DNAH12: variants seen among roughly 807,000 people sequenced by gnomAD.
DNAH12 encodes dynein axonemal heavy chain 12.
In DNAH12, 285 loss-of-function variants were observed where a neutral mutation model predicts 371.5. The observed-to-expected ratio is 0.77, with a 90% confidence interval of 0.70 to 0.85. The LOEUF (loss-of-function observed/expected upper bound fraction) is 0.85. DNAH12 is among the 40% of genes least tolerant of loss of function. The pLI is 0.00. For synonymous variants in DNAH12, 1,200 were observed against 1,213.0 expected, an observed-to-expected ratio of 0.99 and a Z score of 0.22; for missense variants, 3,611 against 3,689.4, an observed-to-expected ratio of 0.98 and a Z score of 0.55.
At chr3:57,337,374 T>C (rs889113129) in intron 60 of DNAH12, among the ~76,000 whole-genome samples, 2 of 149,942 alleles carry the variant, frequency 1.3e-5, no homozygotes, top group Admixed American at 6.6e-5. Flanking sequence ...AGAGAGAACT[T>C]TTCAGCTGGG....
chr3:57,402,935 TA>T (rs2063914916), intron 43 of DNAH12, among the ~76,000 whole-genome samples: 1 of 152,232 alleles, frequency 6.6e-6, no homozygotes, highest in East Asian at 1.9e-4. Flanking sequence ...ACCTCATAAA[TA>T]TGTACAAATA....
chr3:57,494,653 A>G (rs2153387058), intron 11 of DNAH12, among the ~76,000 whole-genome samples: 1 of 152,268 alleles, frequency 6.6e-6, no homozygotes, highest in South Asian at 2.1e-4. Flanking sequence ...AAATAAGTAA[A>G]ACGAACTCAG....
At chr3:57,454,691 A>G in intron 23 of DNAH12, 84 bp downstream of exon 23, 2 of 1,502,444 alleles carry the variant, frequency 1.3e-6, no homozygotes, top group Non-Finnish European at 1.8e-6. Context: ...GTAGCATAGC[A>G]AGATCTCATT....
At chr3:57,469,940 A>G (rs775649744) in intron 16 of DNAH12, among the ~76,000 whole-genome samples, 5 of 152,140 alleles carry the variant, frequency 3.3e-5, no homozygotes, top group African/African-American at 9.7e-5. Context: ...GTCATGCAAT[A>G]TACCCACGAA....
intron 65 of DNAH12, among the ~76,000 whole-genome samples, chr3:57,314,874 A>G (rs2061653925): frequency 6.6e-6 from 1 of 152,210 alleles, no homozygotes; most frequent in African/African-American, 2.4e-5. Flanking sequence ...AAAATGCAAA[A>G]ACGTTATCAT....
intron 60 of DNAH12, among the ~76,000 whole-genome samples, chr3:57,336,243 T>C (rs2062219056): frequency 6.6e-6 from 1 of 152,170 alleles, no homozygotes; most frequent in South Asian, 2.1e-4. Context: ...GTCCAGCATT[T>C]ACCAATATAA....
At chr3:57,337,805 T>C (rs1332952014) in intron 60 of DNAH12, among the ~76,000 whole-genome samples, 2 of 152,146 alleles carry the variant, frequency 1.3e-5, no homozygotes, top group Non-Finnish European at 2.9e-5. Context: ...ACTCTTAGCA[T>C]TGGACAGATC....
At chr3:57,314,409 T>G in intron 66 of DNAH12, 85 bp downstream of exon 66, 1 of 1,496,096 alleles carries the variant, frequency 6.7e-7, no homozygotes, top group Non-Finnish European at 9.0e-7. Flanking sequence ...TTGGGAGAAG[T>G]GAATCAGCTA....
intron 29 of DNAH12, among the ~76,000 whole-genome samples, chr3:57,441,875 G>T (rs751972783): frequency 6.6e-6 from 1 of 151,820 alleles, no homozygotes; most frequent in Non-Finnish European, 1.5e-5. Flanking sequence ...AGGCAATAAA[G>T]TACAAAACAA....
Position 57,468,988 on chromosome 3 carries a change from A to G in DNAH12, c.2106-9T>C, listed in dbSNP as rs1575644356. The G allele has an allele frequency of 1.3e-6, 2 of 1,514,274 alleles. No individual in the cohort carries two copies. Among genetic ancestry groups the G allele is most frequent in the Non-Finnish European group, 1.8e-6 (2 of 1,136,842 alleles). 93.8% of individuals were successfully genotyped at this position (1,514,274 alleles called of 1,614,324 possible). On this transcript the variant is annotated splice_polypyrimidine_tract_variant and intron_variant, in intron 16 of 73. Coordinates refer to ENST00000495027, the MANE Select transcript of DNAH12 (RefSeq NM_001366028.2). ...ACCCTCCATCCATCCACCTGAATGG[A>G]AAGAAAAAATATTATTAAACTCAGA... is the stretch of plus-strand genomic sequence containing the variant.
At position 57,352,275 on chromosome 3, in the gene DNAH12, A is replaced by G. The variant is rs995341071; in HGVS notation, c.9534-50T>C. ...TATTGTCAAACAAAACTAAGAAAAT[A>G]TAAGCAATGTGAATTAACATATACA... On this transcript the variant is annotated intron_variant, in intron 59 of 73. Transcript: ENST00000495027. 9 of 1,488,580 alleles carry G rather than the reference A, an allele frequency of 6.0e-6. No individual in the cohort carries two copies. The Admixed American group carries it at 2.3e-4, about 39-fold the overall frequency. 92.2% of individuals were successfully genotyped at this position (1,488,580 alleles called of 1,614,324 possible).
At chr3:57,473,787 T>C (rs920566144) in intron 13 of DNAH12, among the ~76,000 whole-genome samples, 2 of 151,558 alleles carry the variant, frequency 1.3e-5, no homozygotes, top group African/African-American at 4.8e-5. Context: ...ATTATGTATA[T>C]ACAATGCACA....
At position 57,457,895 on chromosome 3, in the gene DNAH12, T is replaced by C. The variant is rs2153376051; in HGVS notation, c.3162A>G (p.Leu1054=). ...TAATGTCCAAATTGGGAAGGAACTC[T>C]AATTTAGCAATGCCCTCAAAGCATT... is the stretch of plus-strand genomic sequence containing the variant. The part of the protein sequence containing the change: ...LKKCFEGIAK[L]EFLPNLDIKA... Residue 1054 remains leucine, a synonymous_variant, in exon 22 of 74, where the codon TTA becomes TTG. Coordinates refer to ENST00000495027, the MANE Select transcript of DNAH12 (RefSeq NM_001366028.2). The C allele has an allele frequency of 6.4e-7, 1 of 1,551,720 alleles. No individual in the cohort carries two copies. The highest frequency in any genetic ancestry group is 8.7e-7 in the Non-Finnish European group (1 of 1,146,990).
intron 67 of DNAH12, 53 bp from the exon 68 acceptor site, chr3:57,309,907 G>T: frequency 6.8e-7 from 1 of 1,478,954 alleles, no homozygotes; most frequent in Non-Finnish European, 9.1e-7. Flanking sequence ...TACTGAAAGG[G>T]ATGATCAGGA....
At chr3:57,537,809 C>G (rs183526383) in intron 2 of DNAH12, among the ~76,000 whole-genome samples, 62 of 151,916 alleles carry the variant, frequency 4.1e-4, no homozygotes, top group Middle Eastern at 3.4e-3. Context: ...CTCAGCCTCC[C>G]GAGTAGCTAG....
At position 57,371,669 on chromosome 3, in the gene DNAH12, GCACACA is replaced by G. The variant is rs878975719; in HGVS notation, c.8760-3415_8760-3410del. 4.5e-4 allele frequency among the ~76,000 whole-genome samples: 67 copies of G among 147,254 alleles called. 1 individual carries two copies. The highest frequency in any genetic ancestry group is 1.5e-3 in the African/African-American group (61 of 39,908). ...AACTGAGACCCCCATCTCAAAACAC[GCACACA>G]CACACACACACACACAAACACACGT... On this transcript the variant is annotated intron_variant, in intron 55 of 73. Coordinates refer to ENST00000495027, the MANE Select transcript of DNAH12 (RefSeq NM_001366028.2).
At chr3:57,364,845 C>T (rs1177419034) in intron 57 of DNAH12, among the ~76,000 whole-genome samples, 1 of 152,102 alleles carries the variant, frequency 6.6e-6, no homozygotes, top group Non-Finnish European at 1.5e-5. Context: ...ATTTATGTGG[C>T]CAACAAACAT....
chr3:57,513,261 A>G (rs568857840), intron 4 of DNAH12, among the ~76,000 whole-genome samples: 3 of 152,314 alleles, frequency 2.0e-5, no homozygotes, highest in East Asian at 1.9e-4. Flanking sequence ...GCAAACTAAC[A>G]TAGAAATGGA....
chr3:57,510,408 G>A (rs561439092), intron 5 of DNAH12, among the ~76,000 whole-genome samples: 1 of 152,248 alleles, frequency 6.6e-6, no homozygotes, highest in South Asian at 2.1e-4. Context: ...GGAGGCTGAG[G>A]TGGGTGGATG....
Sources: gnomAD v4.1 joint callset for allele counts (sites outside exome capture counted in the v4.1 genomes callset) on GRCh38, gnomAD v4.1.1 for gene constraint, MANE v1.5 for transcripts, NCBI Gene and HGNC (gene_info 2026-07-23, HGNC 2026-07-21) for gene names.